The following VWA3A variants were observed in gnomAD, a reference collection of about 807,000 sequenced individuals.
VWA3A encodes von Willebrand factor A domain-containing protein 3A.
Under a neutral mutation model 160.4 loss-of-function variants are expected in VWA3A, and 134 were observed. The ratio of observed to expected loss-of-function variants is 0.84; its 90% CI spans 0.73 to 0.96. The LOEUF is 0.96. Ranked by LOEUF, VWA3A falls within the 40% of genes least tolerant of loss-of-function variation. The pLI, the probability that VWA3A is intolerant of heterozygous loss-of-function variation, is 0.00. For missense variants in VWA3A, 1,310 were observed against 1,447.9 expected, an observed-to-expected ratio of 0.90 and a Z score of 1.55; for synonymous variants, 476 against 543.4, an observed-to-expected ratio of 0.88 and a Z score of 1.72.
At chr16:22,096,816 A>G in intron 1 of VWA3A, 43 bp from the exon 2 acceptor site, 7 of 1,267,314 alleles carry the variant, frequency 5.5e-6, no homozygotes, top group Non-Finnish European at 6.7e-6. Flanking sequence ...TATTGTCTGT[A>G]TGCCACATTT....
At chr16:22,118,840 T>A in intron 11 of VWA3A, 62 bp from the exon 12 acceptor site, 3 of 1,602,312 alleles carry the variant, frequency 1.9e-6, no homozygotes, top group Non-Finnish European at 2.6e-6. Context: ...TGCCCCTTCC[T>A]GGGTTGACCC....
At chr16:22,114,350 C>CCA (rs1363101878) in intron 8 of VWA3A, among the ~76,000 whole-genome samples, 1 of 152,200 alleles carries the variant, frequency 6.6e-6, no homozygotes, top group African/African-American at 2.4e-5. Flanking sequence ...TGGGACATAG[C>CCA]CACACAGCCA....
At chr16:22,142,968 G>A (rs1271860241) in intron 25 of VWA3A, among the ~76,000 whole-genome samples, 1 of 152,010 alleles carries the variant, frequency 6.6e-6, no homozygotes, top group African/African-American at 2.4e-5. Context: ...TGGCCAACAT[G>A]GTGAAACCCC....
chr16:22,111,412 T>C (rs1296274602), intron 8 of VWA3A, among the ~76,000 whole-genome samples: 4 of 152,190 alleles, frequency 2.6e-5, no homozygotes, highest in Admixed American at 1.3e-4. Context: ...TTTGACATCC[T>C]GGGCTTAAGC....
At chr16:22,107,966 T>C (rs2045504768) in intron 6 of VWA3A, among the ~76,000 whole-genome samples, 2 of 152,218 alleles carry the variant, frequency 1.3e-5, no homozygotes, top group Admixed American at 6.5e-5. Flanking sequence ...CTGGAAGACA[T>C]GTGTACTAAG....
In VWA3A at chr16:22,144,176, T is replaced by C. The variant is rs1024194878; in HGVS notation, c.2593-71T>C. 6.6e-6 allele frequency: 10 copies of C among 1,503,884 alleles called. No individual in the cohort carries two copies. In the East Asian group the frequency reaches 9.6e-5, roughly 14 times the overall value. 93.2% of individuals were successfully genotyped at this position (1,503,884 alleles called of 1,614,324 possible). On this transcript the variant is annotated intron_variant, in intron 25 of 33. Transcript: ENST00000389398. ...ACAGGTTTCAAACATGAGGTTCTCA[T>C]AGACCAGTCAGATGATCATTCAGTT...
At chr16:22,147,459 T>C (rs1348420875) in intron 27 of VWA3A, 2 of 650,108 alleles carry the variant, frequency 3.1e-6, no homozygotes, top group South Asian at 1.7e-5. Flanking sequence ...ATTCGGGCTA[T>C]GGGGCCTGGA....
intron 21 of VWA3A, among the ~76,000 whole-genome samples, chr16:22,135,924 G>A (rs980985778): frequency 2.6e-5 from 4 of 152,002 alleles, no homozygotes; most frequent in African/African-American, 9.7e-5. Context: ...CAAGTAGCTG[G>A]GGCTACAGGC....
Position 22,147,682 on chromosome 16 carries a change from G to A in VWA3A, c.2840-480G>A. On this transcript the variant is annotated intron_variant, in intron 27 of 33. Transcript: ENST00000389398. ...TCAGAGGCTGAGCTGGGACAGAGAAGGCGTGAGCCTCTCTCCACCCTCGGT... is the reference window on the plus strand; with the variant it reads ...TCAGAGGCTGAGCTGGGACAGAGAAAGCGTGAGCCTCTCTCCACCCTCGGT... 5 of 702,244 alleles carry A rather than the reference G, an allele frequency of 7.1e-6. No individual in the cohort carries two copies. The South Asian group carries it at 7.4e-5, about 10-fold the overall frequency. The allele number at this position is 702,244 out of a possible 1,614,324, so 43.5% of individuals were successfully genotyped here.
At chr16:22,146,097 C>T (rs986879458) in intron 26 of VWA3A, 139 bp from the exon 27 acceptor site, 8 of 645,624 alleles carry the variant, frequency 1.2e-5, no homozygotes, top group Admixed American at 1.0e-4. Context: ...GCTGGGATTA[C>T]AGGCATGAGC....
At position 22,141,656 on chromosome 16, in the gene VWA3A, C is replaced by CT; in HGVS notation, c.2462dup (p.Leu821PhefsTer10). Reference sequence around the variant, plus strand: ...CAAGTCAAGGGAAGCAGAGACATCTCTTTTACTGTTCTACACAGAGAAAGG... The same window carrying CT: ...CAAGTCAAGGGAAGCAGAGACATCTCTTTTTACTGTTCTACACAGAGAAAGG... On this transcript the variant is annotated frameshift_variant, in exon 24 of 34. Transcript: ENST00000389398. LOFTEE classifies it high-confidence loss of function. The CT allele has an allele frequency of 6.2e-7, 1 of 1,611,820 alleles. No individual in the cohort carries two copies. Among genetic ancestry groups the CT allele is most frequent in the Non-Finnish European group, 8.5e-7 (1 of 1,179,094 alleles).
intron 8 of VWA3A, among the ~76,000 whole-genome samples, chr16:22,111,758 C>G (rs192039941): frequency 4.6e-5 from 7 of 152,282 alleles, no homozygotes; most frequent in African/African-American, 7.2e-5. Context: ...GTTGGGATTA[C>G]AGGCACGAGC....
chr16:22,113,438 T>C (rs2045587094), intron 8 of VWA3A, among the ~76,000 whole-genome samples: 1 of 140,518 alleles, frequency 7.1e-6, no homozygotes, highest in Non-Finnish European at 1.5e-5. Flanking sequence ...TTGACCAGGC[T>C]GGTCTTGGAC....
intron 30 of VWA3A, among the ~76,000 whole-genome samples, chr16:22,151,788 A>G (rs542735182): frequency 1.3e-5 from 2 of 152,172 alleles, no homozygotes; most frequent in Non-Finnish European, 2.9e-5. Flanking sequence ...AAACTTTATT[A>G]TTAGCAAAAC....
chr16:22,141,157 C>A (rs1465706014), intron 23 of VWA3A: 5 of 457,908 alleles, frequency 1.1e-5, no homozygotes, highest in Non-Finnish European at 2.2e-5. Flanking sequence ...TGAAAGTACT[C>A]AGCTCGTAGA....
rs2045436343 is a variant in VWA3A, at chr16:22,103,380, A to C, written c.429-95A>C. On this transcript the variant is annotated intron_variant, in intron 5 of 33. Transcript: ENST00000389398. ...AGAACCTATGCACATTAAAAAAAAA[A>C]ACAATTATTCATACCTGCCTTTTGT... The C allele has an allele frequency of 3.3e-6, 4 of 1,213,638 alleles. 1 individual carries two copies. Among genetic ancestry groups the C allele is most frequent in the African/African-American group, 3.1e-5 (2 of 64,646 alleles). 75.2% of individuals were successfully genotyped at this position (1,213,638 alleles called of 1,614,324 possible). A position where few individuals can be genotyped will look rare whatever the true frequency, so the allele number is the denominator to read the frequency against.
chr16:22,109,953 C>T (rs1169785801), intron 7 of VWA3A, among the ~76,000 whole-genome samples: 1 of 152,160 alleles, frequency 6.6e-6, no homozygotes, highest in South Asian at 2.1e-4. Flanking sequence ...GTTATGGTTC[C>T]CATTGGATAC....
intron 20 of VWA3A, among the ~76,000 whole-genome samples, chr16:22,134,121 G>T (rs879920161): frequency 1.3e-5 from 2 of 151,866 alleles, no homozygotes; most frequent in Non-Finnish European, 2.9e-5. Context: ...CCACCACCAC[G>T]CCCAGTTAAT....
chr16:22,100,378 G>A (rs1410966248), intron 4 of VWA3A, 38 bp from the exon 5 acceptor site: 5 of 1,551,416 alleles, frequency 3.2e-6, no homozygotes, highest in African/African-American at 2.7e-5. Flanking sequence ...CAACCCCCTG[G>A]GCCCGAGAGA....
Sources: allele counts gnomAD v4.1 joint callset (sites outside exome capture counted in the v4.1 genomes callset), GRCh38; gene constraint gnomAD v4.1.1; transcripts MANE v1.5; gene names NCBI Gene and HGNC (gene_info 2026-07-23, HGNC 2026-07-21).